Variants in DLGAP3 observed in about 807,000 individuals in gnomAD.
DLGAP3 encodes disks large-associated protein 3.
Under a neutral mutation model 81.2 loss-of-function variants are expected in DLGAP3, and 17 were observed. The observed-to-expected ratio is 0.21, with a 90% CI of 0.14 to 0.31. DLGAP3 has a LOEUF of 0.31. DLGAP3 is among the 10% of genes least tolerant of loss of function. The probability of loss-of-function intolerance (pLI) is 1.00; values close to 1 mark genes in which losing one functional copy is unlikely to be tolerated. For synonymous variants in DLGAP3, 577 were observed against 587.4 expected, an observed-to-expected ratio of 0.98 and a Z score of 0.26; for missense variants, 1,124 against 1,388.0, an observed-to-expected ratio of 0.81 and a Z score of 3.02.
At chr1:34,925,485 G>A (rs1235180340) in intron 1 of DLGAP3, 3 of 152,504 alleles carry the variant, frequency 2.0e-5, no homozygotes, top group Admixed American at 6.6e-5. Context: ...CATCTGGACT[G>A]GGGGGAGGAG....
In DLGAP3 at chr1:34,867,341, C is replaced by G; in HGVS notation, c.2578-150G>C. On this transcript the variant is annotated intron_variant, in intron 10 of 11. Transcript: ENST00000373347. The surrounding 1 kb of genome is among the most constrained non-coding windows in gnomAD (Gnocchi z 4.3). ...GGGAGACAGGGGGACAAGAGCGAGC[C>G]CAGGACTCCCCTTCTTGTGCACAAA... 3 of 1,221,482 alleles carry G rather than the reference C, an allele frequency of 2.5e-6. No individual in the cohort carries two copies. The highest frequency in any genetic ancestry group is 2.3e-5 in the East Asian group (1 of 42,626). The allele number at this position is 1,221,482 out of a possible 1,614,324, so 75.7% of individuals were successfully genotyped here.
intron 5 of DLGAP3, among the ~76,000 whole-genome samples, chr1:34,896,903 G>A (rs1209396531): frequency 6.6e-6 from 1 of 151,976 alleles, no homozygotes; most frequent in Non-Finnish European, 1.5e-5. Context: ...TTAGGGCTAG[G>A]GTCATCACAC....
At chr1:34,872,074 T>C (rs1638989051) in intron 8 of DLGAP3, among the ~76,000 whole-genome samples, 1 of 151,666 alleles carries the variant, frequency 6.6e-6, no homozygotes, top group Non-Finnish European at 1.5e-5. Context: ...GGATCCAAGA[T>C]CCAAACCCCG....
At chr1:34,872,792 A>G (rs1167576918) in intron 8 of DLGAP3, among the ~76,000 whole-genome samples, 4 of 152,200 alleles carry the variant, frequency 2.6e-5, no homozygotes, top group African/African-American at 9.6e-5. Flanking sequence ...CAAGTGAAGG[A>G]ATGCAGATAG....
At chr1:34,912,097 G>A (rs1639648389) in intron 1 of DLGAP3, among the ~76,000 whole-genome samples, 1 of 152,046 alleles carries the variant, frequency 6.6e-6, no homozygotes, top group South Asian at 2.1e-4. Flanking sequence ...ATAATATTAG[G>A]GCCATAATAA....
rs781279767 is a variant in DLGAP3, at chr1:34,884,974, T to A, written c.2000+4A>T. On this transcript the variant is annotated splice_donor_region_variant and intron_variant, in intron 8 of 11. Coordinates refer to ENST00000373347, the MANE Select transcript of DLGAP3 (RefSeq NM_001080418.3). ...AAGCCTGGGCACTCCCACCGTGACTTTACCTCTTGTCCTCTTCCACCTGCA... is the reference window on the plus strand; with the variant it reads ...AAGCCTGGGCACTCCCACCGTGACTATACCTCTTGTCCTCTTCCACCTGCA... The A allele has an allele frequency of 1.3e-6, 2 of 1,586,314 alleles. No homozygotes were observed. Among genetic ancestry groups the A allele is most frequent in the South Asian group, 2.2e-5 (2 of 89,636 alleles).
At chr1:34,897,749 G>A (rs374867569) in intron 5 of DLGAP3, among the ~76,000 whole-genome samples, 1 of 152,204 alleles carries the variant, frequency 6.6e-6, no homozygotes, top group Non-Finnish European at 1.5e-5. Context: ...CAGTGCCATC[G>A]TCCAGACAAA....
At chr1:34,885,903 G>A in intron 6 of DLGAP3, 112 bp from the exon 7 acceptor site, 1 of 1,147,030 alleles carries the variant, frequency 8.7e-7, no homozygotes, top group Non-Finnish European at 1.2e-6. Context: ...CTGCAGCGGC[G>A]CGCACTCCAC....
intron 1 of DLGAP3, among the ~76,000 whole-genome samples, chr1:34,910,532 A>G (rs1639624579): frequency 6.6e-6 from 1 of 152,136 alleles, no homozygotes; most frequent in Non-Finnish European, 1.5e-5. Context: ...TCCTCTCACA[A>G]CATGCTCCCC....
chr1:34,904,146 C>A lies in DLGAP3; in HGVS notation c.1107+131G>T. ...CTCAGAGTGACCCAATGGGGCAGGGCAGAGCCTCCCTACACCCAGGCCCTC... is the reference window on the plus strand; with the variant it reads ...CTCAGAGTGACCCAATGGGGCAGGGAAGAGCCTCCCTACACCCAGGCCCTC... On this transcript the variant is annotated intron_variant, in intron 3 of 11. Coordinates refer to ENST00000373347, the MANE Select transcript of DLGAP3 (RefSeq NM_001080418.3). This position sits in a 1 kb window ranked among gnomAD's most constrained non-coding sequence, Gnocchi z 8.1. 8.8e-7 allele frequency: 1 copy of A among 1,139,120 alleles called. No individual in the cohort carries two copies. Among genetic ancestry groups the A allele is most frequent in the Non-Finnish European group, 1.3e-6 (1 of 766,108 alleles). The allele number at this position is 1,139,120 out of a possible 1,614,324, so 70.6% of individuals were successfully genotyped here.
At chr1:34,880,864 T>A (rs1487406421) in intron 8 of DLGAP3, among the ~76,000 whole-genome samples, 1 of 151,998 alleles carries the variant, frequency 6.6e-6, no homozygotes, top group East Asian at 1.9e-4. Flanking sequence ...AGAAAAAAAA[T>A]AAAACCAGAA....
rs750455656 is a variant in DLGAP3, at chr1:34,900,048, C to T, written c.1313+20G>A. On this transcript the variant is annotated intron_variant, in intron 4 of 11. Coordinates refer to ENST00000373347, the MANE Select transcript of DLGAP3 (RefSeq NM_001080418.3). This position sits in a 1 kb window ranked among gnomAD's most constrained non-coding sequence, Gnocchi z 5.6. Reference sequence around the variant, plus strand: ...CATCAGCCTCCTGACCCCGCACCCCCCGGCCCTCCCTGTCCTTACTTGATC... The same window carrying T: ...CATCAGCCTCCTGACCCCGCACCCCTCGGCCCTCCCTGTCCTTACTTGATC... 2.5e-6 allele frequency: 4 copies of T among 1,608,448 alleles called. No individual in the cohort carries two copies. Among genetic ancestry groups the T allele is most frequent in the Non-Finnish European group, 3.4e-6 (4 of 1,177,782 alleles).
At position 34,913,471 on chromosome 1, in the gene DLGAP3, A is replaced by T. The variant is rs139039986; in HGVS notation, c.-134-6034T>A. 8.0e-3 allele frequency among the ~76,000 whole-genome samples: 1,215 copies of T among 152,320 alleles called. 17 individuals carry two copies. The highest frequency in any genetic ancestry group is 0.028 in the African/African-American group (1,155 of 41,570). On this transcript the variant is annotated intron_variant, in intron 1 of 11. Coordinates refer to ENST00000373347, the MANE Select transcript of DLGAP3 (RefSeq NM_001080418.3). Reference sequence around the variant, plus strand: ...TGCCTCGGAAGAGACAGAGAGGCCTACCTGATCACTCGCTCCAACTAAAGT... The same window carrying T: ...TGCCTCGGAAGAGACAGAGAGGCCTTCCTGATCACTCGCTCCAACTAAAGT...
rs1335119894 is a variant in DLGAP3 at position 34,885,980 on chromosome 1, C to T, written c.1600+92G>A. 82 of 1,327,840 alleles carry T rather than the reference C, an allele frequency of 6.2e-5. 1 individual carries two copies. The highest frequency in any genetic ancestry group is 2.5e-4 in the Middle Eastern group (1 of 3,938). 82.3% of individuals were successfully genotyped at this position (1,327,840 alleles called of 1,614,324 possible). A position where few individuals can be genotyped will look rare whatever the true frequency, so the allele number is the denominator to read the frequency against. ...CGACCCCGGGAGCGAGCGATCTGCG[C>T]GGGTCACAGCACAGTCGAGGGGGAG... On this transcript the variant is annotated intron_variant, in intron 6 of 11. Transcript: ENST00000373347.
chr1:34,905,509 T>C, intron 2 of DLGAP3, 75 bp from the exon 3 acceptor site: 5 of 1,003,760 alleles, frequency 5.0e-6, no homozygotes, highest in Non-Finnish European at 7.1e-6. Context: ...TTAGGCATCC[T>C]TGTATCCCTT....
chr1:34,901,330 G>A (rs1039140746), intron 3 of DLGAP3, among the ~76,000 whole-genome samples: 2 of 152,144 alleles, frequency 1.3e-5, no homozygotes, highest in African/African-American at 2.4e-5. Context: ...GTGGGCAGAG[G>A]GGTAGGAGGG....
At chr1:34,927,370 C>A (rs1299493701) in intron 1 of DLGAP3, among the ~76,000 whole-genome samples, 2 of 152,162 alleles carry the variant, frequency 1.3e-5, no homozygotes, top group Admixed American at 1.3e-4. Flanking sequence ...AGTCCCCTCC[C>A]TTCTTGGGGC....
At chr1:34,879,853 C>A (rs1054358137) in intron 8 of DLGAP3, among the ~76,000 whole-genome samples, 1 of 151,792 alleles carries the variant, frequency 6.6e-6, no homozygotes, top group African/African-American at 2.4e-5. Context: ...ATAGCCCTAA[C>A]AGCACATGTT....
At chr1:34,869,191 C>T (rs1477000650) in intron 8 of DLGAP3, 102 bp from the exon 9 acceptor site, 3 of 830,866 alleles carry the variant, frequency 3.6e-6, no homozygotes, top group Non-Finnish European at 5.6e-6. Context: ...AGGGAACCTA[C>T]AAAGTGATGG....
Sources: gnomAD v4.1 joint callset for allele counts (sites outside exome capture counted in the v4.1 genomes callset) on GRCh38, gnomAD v4.1.1 for gene constraint, Gnocchi (gnomAD v3.1) non-coding constraint, MANE v1.5 for transcripts, NCBI Gene and HGNC (gene_info 2026-07-23, HGNC 2026-07-21) for gene names.